Variants in IQSEC1 observed in about 807,000 individuals in gnomAD.
IQSEC1 encodes the protein IQ motif and Sec7 domain ArfGEF 1.
Under a neutral mutation model 91.0 loss-of-function variants are expected in IQSEC1, and 31 were observed. That is an observed-to-expected ratio of 0.34 (90% CI 0.26 to 0.46). The LOEUF (loss-of-function observed/expected upper bound fraction) is 0.46, where lower values mean the gene tolerates loss of function less well. Ranked by LOEUF, IQSEC1 falls within the 20% of genes least tolerant of loss-of-function variation. IQSEC1 has a pLI of 1.00. For synonymous variants in IQSEC1, 699 were observed against 662.6 expected (o/e 1.05, Z -0.84); for missense variants, 1,388 against 1,575.6 (o/e 0.88, Z 2.02).
At chr3:13,078,687 G>T (rs780885910) in intron 2 of IQSEC1, among the ~76,000 whole-genome samples, 1 of 152,308 alleles carries the variant, frequency 6.6e-6, no homozygotes. Flanking sequence ...TGCTCTGCTG[G>T]TGTTTGCTTT....
At chr3:13,203,907 G>C (rs931721316) in intron 1 of IQSEC1, among the ~76,000 whole-genome samples, 2 of 152,220 alleles carry the variant, frequency 1.3e-5, no homozygotes, top group Non-Finnish European at 2.9e-5. Context: ...TTGGGCAGGG[G>C]TATGTGGGGC....
chr3:13,223,334 T>A (rs1367129238), intron 1 of IQSEC1, among the ~76,000 whole-genome samples: 4 of 152,062 alleles, frequency 2.6e-5, no homozygotes, highest in Non-Finnish European at 5.9e-5. Flanking sequence ...AGGATGGAGA[T>A]CTTCCAGATT....
chr3:13,052,298 C>T (rs1312750187), intron 1 of IQSEC1, among the ~76,000 whole-genome samples: 2 of 152,248 alleles, frequency 1.3e-5, no homozygotes, highest in Non-Finnish European at 2.9e-5. Flanking sequence ...TGGAATCATC[C>T]AGTGTGCCAC....
At chr3:13,280,652 C>G (rs987925633) in intron 1 of IQSEC1, among the ~76,000 whole-genome samples, 3 of 152,200 alleles carry the variant, frequency 2.0e-5, no homozygotes, top group Non-Finnish European at 4.4e-5. Context: ...CCGGGCCCAG[C>G]AGCAGCGGGT....
intron 1 of IQSEC1, among the ~76,000 whole-genome samples, chr3:13,267,773 T>A (rs1022017919): frequency 1.4e-4 from 21 of 151,898 alleles, no homozygotes; most frequent in South Asian, 4.2e-4. Flanking sequence ...GCCCACCACC[T>A]CACCCGGCTA....
Position 12,922,386 on chromosome 3 carries a change from C to T in IQSEC1, c.1731-144G>A, listed in dbSNP as rs1286817363. 11 of 1,024,566 alleles carry T rather than the reference C, an allele frequency of 1.1e-5. No individual in the cohort carries two copies. The highest frequency in any genetic ancestry group is 1.0e-4 in the South Asian group (5 of 49,386). The allele number at this position is 1,024,566 out of a possible 1,614,324, so 63.5% of individuals were successfully genotyped here. A position where few individuals can be genotyped will look rare whatever the true frequency, so the allele number is the denominator to read the frequency against. On this transcript the variant is annotated intron_variant, in intron 4 of 13. Transcript: ENST00000613206. The surrounding 1 kb of genome is among the most constrained non-coding windows in gnomAD (Gnocchi z 5.1). ...CCCTGCCTGACTCCGACCAATCAGC[C>T]AAGAGCCCTCAGAATGCAGCAAAAA...
At chr3:12,937,282 G>C (rs151039555) in intron 2 of IQSEC1, among the ~76,000 whole-genome samples, 1,643 of 152,302 alleles carry the variant, frequency 0.011, 33 homozygotes, top group African/African-American at 0.038. Context: ...TGTCCCCAGT[G>C]TCTTGGGTCA....
At chr3:13,142,617 G>A (rs2124940975) in intron 2 of IQSEC1, among the ~76,000 whole-genome samples, 1 of 152,362 alleles carries the variant, frequency 6.6e-6, no homozygotes, top group South Asian at 2.1e-4. Context: ...AGGGTTTGCT[G>A]CCCACTTTTG....
chr3:13,282,133 C>T lies in IQSEC1; in HGVS notation c.272+578G>A, dbSNP rs962207763. Among the ~76,000 whole-genome samples the T allele has an allele frequency of 6.6e-6, 1 of 152,326 alleles. No individual in the cohort carries two copies. Among genetic ancestry groups the T allele is most frequent in the African/African-American group, 2.4e-5 (1 of 41,580 alleles). ...GAAATAGCCCCGGGTAATCCCAGGG[C>T]GAGGCAGTCGGGAATTAACCCCAGC... On this transcript the variant is annotated intron_variant, in intron 1 of 15. Coordinates refer to the IQSEC1 transcript ENST00000648114. The surrounding 1 kb of genome is among the most constrained non-coding windows in gnomAD (Gnocchi z 6.4).
chr3:12,900,539 T>C lies in IQSEC1; in HGVS notation c.*444A>G, dbSNP rs1694145961. The C allele has an allele frequency of 5.1e-6, 5 of 973,540 alleles. No individual in the cohort carries two copies. The highest frequency in any genetic ancestry group is 6.1e-6 in the Non-Finnish European group (5 of 818,350). The allele number at this position is 973,540 out of a possible 1,614,324, so 60.3% of individuals were successfully genotyped here. ...CAACCATATCAGGTCTACTTATTTT[T>C]TTGCCCATTGTCAATAAAAGAGCAA... is the stretch of plus-strand genomic sequence containing the variant. On this transcript the variant is annotated 3_prime_UTR_variant, in exon 14 of 14. Transcript: ENST00000613206.
chr3:12,972,179 C>T (rs1700936453), intron 1 of IQSEC1, among the ~76,000 whole-genome samples: 1 of 150,998 alleles, frequency 6.6e-6, no homozygotes, highest in African/African-American at 2.4e-5. Flanking sequence ...GGCATGATGG[C>T]ATGTGCCTGT....
At chr3:13,017,291 C>T (rs550113400) in intron 1 of IQSEC1, among the ~76,000 whole-genome samples, 1 of 152,352 alleles carries the variant, frequency 6.6e-6, no homozygotes, top group Admixed American at 6.5e-5. Flanking sequence ...CTCACCTGAA[C>T]ATCTATCTGC....
intron 1 of IQSEC1, among the ~76,000 whole-genome samples, chr3:13,205,036 G>T (rs1021052222): frequency 1.3e-5 from 2 of 151,850 alleles, no homozygotes; most frequent in Non-Finnish European, 1.5e-5. Flanking sequence ...GACCTCAGGT[G>T]ATCCGCCCTC....
rs1036991606 is a variant in IQSEC1, at chr3:13,250,605, T to G, written c.272+32106A>C. Among the ~76,000 whole-genome samples the G allele has an allele frequency of 8.3e-5, 5 of 59,910 alleles. No individual in the cohort carries two copies. In the African/African-American group the frequency reaches 1.2e-3, roughly 14 times the overall value. 39.3% of individuals were successfully genotyped at this position (59,910 alleles called of 152,430 possible). A position where few individuals can be genotyped will look rare whatever the true frequency, so the allele number is the denominator to read the frequency against. On this transcript the variant is annotated intron_variant, in intron 1 of 15. Transcript: ENST00000648114. ...CCCGCCTCCACCTCACCCAGATAAT[T>G]TATTTTATTTTATTTTATTTTATTT... is the stretch of plus-strand genomic sequence containing the variant.
chr3:12,977,450 C>T (rs182526988), intron 1 of IQSEC1, among the ~76,000 whole-genome samples: 17 of 152,082 alleles, frequency 1.1e-4, no homozygotes, highest in Admixed American at 9.8e-4. Flanking sequence ...TGGGGCTTAT[C>T]TGCATATGAA....
In IQSEC1 at chr3:12,983,896, C is replaced by T. The variant is rs1701594063; in HGVS notation, c.24-42031G>A. On this transcript the variant is annotated intron_variant, in intron 1 of 13. Transcript: ENST00000613206. This position sits in a 1 kb window ranked among gnomAD's most constrained non-coding sequence, Gnocchi z 4.3. ...TCATGTATGTCCCTGTCCCCAAATC[C>T]ACATGCCTTTAAAAATAAAGCACCT... is the stretch of plus-strand genomic sequence containing the variant. 6.6e-6 allele frequency among the ~76,000 whole-genome samples: 1 copy of T among 152,166 alleles called. No individual in the cohort carries two copies. Among genetic ancestry groups the T allele is most frequent in the Non-Finnish European group, 1.5e-5 (1 of 68,020 alleles).
At chr3:12,950,892 C>T (rs561809059) in intron 1 of IQSEC1, among the ~76,000 whole-genome samples, 1 of 152,156 alleles carries the variant, frequency 6.6e-6, no homozygotes, top group East Asian at 1.9e-4. Flanking sequence ...GTGATCCACC[C>T]GTCTTGGCCT....
chr3:13,176,234 C>A (rs916324119), intron 1 of IQSEC1, among the ~76,000 whole-genome samples: 6 of 152,190 alleles, frequency 3.9e-5, no homozygotes, highest in Non-Finnish European at 8.8e-5. Context: ...TGACTATAGC[C>A]CCCACCCTGA....
chr3:12,902,506 A>G (rs540826464), intron 13 of IQSEC1, among the ~76,000 whole-genome samples: 82 of 152,040 alleles, frequency 5.4e-4, no homozygotes, highest in Middle Eastern at 6.8e-3. Context: ...AACCACCCCC[A>G]CTGTTGAGTC....
Sources: allele counts gnomAD v4.1 joint callset (sites outside exome capture counted in the v4.1 genomes callset), GRCh38; gene constraint gnomAD v4.1.1; non-coding constraint Gnocchi (gnomAD v3.1); transcripts MANE v1.5; gene names NCBI Gene and HGNC (gene_info 2026-07-23, HGNC 2026-07-21).